The following NFX1 variants were observed in gnomAD, a reference collection of about 807,000 sequenced individuals.
The protein encoded by NFX1 is nuclear transcription factor, X-box binding 1, also known as transcriptional repressor NF-X1.
In NFX1, 69 loss-of-function variants were observed where a neutral mutation model predicts 137.2. That is an observed-to-expected ratio of 0.50 (90% confidence interval 0.41 to 0.61). The LOEUF is 0.61. NFX1 is among the 20% of genes least tolerant of loss of function. The pLI, the probability that NFX1 is intolerant of heterozygous loss-of-function variation, is 0.00. For missense variants in NFX1, 1,167 were observed against 1,391.0 expected (o/e 0.84, Z 2.56); for synonymous variants, 495 against 474.1 (o/e 1.04, Z -0.57).
At chr9:33,331,062 A>T (rs1367350073) in intron 10 of NFX1, among the ~76,000 whole-genome samples, 1 of 152,148 alleles carries the variant, frequency 6.6e-6, no homozygotes, top group African/African-American at 2.4e-5. Context: ...GCTACTCGGG[A>T]GGCTGAGGCA....
At chr9:33,343,266 A>G (rs546259872) in intron 13 of NFX1, among the ~76,000 whole-genome samples, 7 of 152,180 alleles carry the variant, frequency 4.6e-5, no homozygotes, top group Non-Finnish European at 8.8e-5. Context: ...TTTATCTACC[A>G]TATTAGAAAT....
At chr9:33,366,285 G>A (rs1824167050) in intron 21 of NFX1, among the ~76,000 whole-genome samples, 1 of 152,072 alleles carries the variant, frequency 6.6e-6, no homozygotes. Context: ...TTCTTGTTTT[G>A]TAAGTCTTTA....
At chr9:33,341,533 G>A (rs1218399494) in intron 12 of NFX1, among the ~76,000 whole-genome samples, 2 of 152,106 alleles carry the variant, frequency 1.3e-5, no homozygotes, top group African/African-American at 4.8e-5. Context: ...TATGTATATA[G>A]CATACATAAT....
In NFX1 at chr9:33,301,379, A is replaced by G; in HGVS notation, c.1150A>G (p.Asn384Asp). ...GAGCTGTTACCATGTGTTTCATTTG[A>G]ACTGCATAAAGAAATGGGCAAGGTC... ...CQSCYHVFHL[N>D]CIKKWARSPA... The change falls in exon 3 of 24, where the codon AAC becomes GAC. Residue 384 changes from asparagine (N) to aspartate (D), a missense_variant. Asn to Asp is a conservative substitution (Grantham distance 23, BLOSUM62 1). Around this residue, in one of 3 missense-constraint regions of NFX1, gnomAD observed 488 missense variants for 691.5 expected, o/e 0.71. Transcript: ENST00000379540. 6.2e-7 allele frequency: 1 copy of G among 1,614,184 alleles called. No homozygotes were observed.
At chr9:33,330,194 A>C (rs747554251) in intron 10 of NFX1, among the ~76,000 whole-genome samples, 2 of 152,134 alleles carry the variant, frequency 1.3e-5, no homozygotes, top group Non-Finnish European at 2.9e-5. Flanking sequence ...TCTTTGACCT[A>C]CTTAGTCATT....
intron 16 of NFX1, among the ~76,000 whole-genome samples, chr9:33,352,218 G>A (rs1823660807): frequency 6.6e-6 from 1 of 152,210 alleles, no homozygotes; most frequent in Non-Finnish European, 1.5e-5. Context: ...GGTGTCATGA[G>A]GGAGTAGTTT....
At chr9:33,322,953 C>T (rs1822441588) in intron 9 of NFX1, among the ~76,000 whole-genome samples, 1 of 152,234 alleles carries the variant, frequency 6.6e-6, no homozygotes, top group South Asian at 2.1e-4. Flanking sequence ...CAAAGACTTA[C>T]AGCAAAGACT....
chr9:33,363,198 A>G (rs775657209), intron 19 of NFX1, among the ~76,000 whole-genome samples: 2 of 151,784 alleles, frequency 1.3e-5, no homozygotes, highest in Non-Finnish European at 2.9e-5. Flanking sequence ...AGACATCAAC[A>G]TCAAACTGCT....
Position 33,298,324 on chromosome 9 carries a change from T to G in NFX1, c.1033+2897T>G, listed in dbSNP as rs540397222. Among the ~76,000 whole-genome samples the G allele has an allele frequency of 2.5e-4, 38 of 152,020 alleles. No homozygotes were observed. In the South Asian group the frequency reaches 7.7e-3, roughly 31 times the overall value. On this transcript the variant is annotated intron_variant, in intron 2 of 23. Coordinates refer to ENST00000379540, the MANE Select transcript of NFX1 (RefSeq NM_002504.6). The stretch of plus-strand genomic sequence containing the variant: ...GCAGAGGGAGGAGCAAATTTAGATG[T>G]GGGGAGGGGTATTATAGGCAATGAA...
At chr9:33,355,440 T>A (rs1219377883) in intron 19 of NFX1, among the ~76,000 whole-genome samples, 1 of 152,182 alleles carries the variant, frequency 6.6e-6, no homozygotes, top group Non-Finnish European at 1.5e-5. Flanking sequence ...AGTGATGAAA[T>A]CATGTAGTTT....
rs1821285452 is a variant in NFX1, at chr9:33,294,701, A to G, written c.307A>G (p.Asn103Asp). 2 of 1,614,072 alleles carry G rather than the reference A, an allele frequency of 1.2e-6. No homozygotes were observed. The highest frequency in any genetic ancestry group is 1.1e-5 in the South Asian group (1 of 91,086). The change falls in exon 2 of 24, where the codon AAT (asparagine) becomes GAT (aspartate). Residue 103 changes from asparagine (N) to aspartate (D), a missense_variant. Asn to Asp is a conservative substitution (Grantham distance 23, BLOSUM62 1). Around this residue, in one of 3 missense-constraint regions of NFX1, gnomAD observed 367 missense variants for 386.7 expected, o/e 0.95. Transcript: ENST00000379540. Reference sequence around the variant, plus strand: ...ATCGCCCAAGAGCCATGGCCTTCAGAATCAACCTTGGCAGAAATTGAGGAA... The same window carrying G: ...ATCGCCCAAGAGCCATGGCCTTCAGGATCAACCTTGGCAGAAATTGAGGAA... Reference protein sequence around the residue: ...NKSPKSHGLQNQPWQKLRNEK... With the variant: ...NKSPKSHGLQDQPWQKLRNEK...
At position 33,367,532 on chromosome 9, in the gene NFX1, C is replaced by G. The variant is rs760416527; in HGVS notation, c.3203C>G (p.Pro1068Arg). 6.2e-7 allele frequency: 1 copy of G among 1,613,766 alleles called. No homozygotes were observed. The highest frequency in any genetic ancestry group is 1.3e-5 in the African/African-American group (1 of 74,908). The change falls in exon 23 of 24, where the codon CCT (proline) becomes CGT (arginine). Residue 1068 changes from proline (P) to arginine (R), a missense_variant. Around this residue, in one of 3 missense-constraint regions of NFX1, gnomAD observed 312 missense variants for 312.8 expected, o/e 1.00. Transcript: ENST00000379540. Reference protein sequence around the residue: ...VTAIRGKSVCPPTTLTGVLER... With the variant: ...VTAIRGKSVCRPTTLTGVLER... ...TTTATCAGGGGGAAGTCCGTTTGTCCTCCTACCACGCTGACAGGTGTGCTT... is the reference window on the plus strand; with the variant it reads ...TTTATCAGGGGGAAGTCCGTTTGTCGTCCTACCACGCTGACAGGTGTGCTT...
chr9:33,351,849 C>A, intron 16 of NFX1, 59 bp downstream of exon 16: 1 of 1,405,400 alleles, frequency 7.1e-7, no homozygotes, highest in Non-Finnish European at 9.5e-7. Flanking sequence ...ACTAGTGAAT[C>A]CAGAACTGTC....
intron 1 of NFX1, among the ~76,000 whole-genome samples, chr9:33,291,556 T>C (rs558447902): frequency 7.9e-5 from 12 of 152,338 alleles, no homozygotes; most frequent in African/African-American, 2.9e-4. Context: ...AGACCATATA[T>C]GTATTTGTAT....
intron 11 of NFX1, among the ~76,000 whole-genome samples, chr9:33,335,594 GTCT>G (rs1470049149): frequency 1.3e-5 from 2 of 152,046 alleles, no homozygotes; most frequent in Non-Finnish European, 2.9e-5. Context: ...GACCAGGCTG[GTCT>G]TGAATGCTTG....
intron 22 of NFX1, among the ~76,000 whole-genome samples, 190 bp from the exon 23 acceptor site, chr9:33,367,325 G>C (rs1824197468): frequency 6.6e-6 from 1 of 152,154 alleles, no homozygotes; most frequent in South Asian, 2.1e-4. Context: ...AGCAAGCCAC[G>C]GGCCTGGCAT....
intron 19 of NFX1, among the ~76,000 whole-genome samples, chr9:33,357,972 A>C (rs1587876057): frequency 6.6e-6 from 1 of 152,280 alleles, no homozygotes. Context: ...TAAATTTTCT[A>C]GTCCAAGAGA....
At chr9:33,297,826 G>C (rs1365281230) in intron 2 of NFX1, among the ~76,000 whole-genome samples, 2 of 152,144 alleles carry the variant, frequency 1.3e-5, no homozygotes, top group Non-Finnish European at 2.9e-5. Context: ...ACTTCTGTTT[G>C]ATTTTCAACT....
chr9:33,321,502 A>C (rs915015681), intron 9 of NFX1, among the ~76,000 whole-genome samples: 1 of 131,928 alleles, frequency 7.6e-6, no homozygotes, highest in East Asian at 1.9e-4. Flanking sequence ...ATAGAGTTCT[A>C]CTTTAAAGAT....
Sources: gnomAD v4.1 joint callset for allele counts (sites outside exome capture counted in the v4.1 genomes callset) on GRCh38, gnomAD v4.1.1 for gene constraint, gnomAD v4.1.1 regional missense constraint, MANE v1.5 for transcripts, NCBI Gene and HGNC (gene_info 2026-07-23, HGNC 2026-07-21) for gene names.